Variants in WDR70 observed in about 807,000 individuals in gnomAD.
WDR70 encodes the protein WD repeat-containing protein 70.
WDR70 carries 53 observed loss-of-function variants against 88.6 expected under a neutral mutation model. That is an observed-to-expected ratio of 0.60 (90% CI 0.48 to 0.75). WDR70 has a LOEUF of 0.75. WDR70 is among the 30% of genes least tolerant of loss of function. WDR70 has a pLI of 0.00. For missense variants in WDR70, 610 were observed against 823.2 expected (o/e 0.74, Z 3.17); for synonymous variants, 280 against 270.0 (o/e 1.04, Z -0.36).
At chr5:37,515,395 G>A (rs1462262836) in intron 8 of WDR70, among the ~76,000 whole-genome samples, 1 of 152,210 alleles carries the variant, frequency 6.6e-6, no homozygotes, top group Non-Finnish European at 1.5e-5. Context: ...AGATAGAAAT[G>A]TCAAGTAGAT....
At chr5:37,481,454 C>T (rs1739667334) in intron 8 of WDR70, among the ~76,000 whole-genome samples, 1 of 152,160 alleles carries the variant, frequency 6.6e-6, no homozygotes, top group Non-Finnish European at 1.5e-5. Flanking sequence ...AGGCTTAACA[C>T]CACCTAGAAC....
intron 3 of WDR70, among the ~76,000 whole-genome samples, chr5:37,388,995 G>A (rs886750139): frequency 6.6e-5 from 10 of 151,972 alleles, no homozygotes; most frequent in Non-Finnish European, 1.3e-4. Flanking sequence ...GGGAGAAGAT[G>A]AGCCTAGAGT....
intron 13 of WDR70, among the ~76,000 whole-genome samples, chr5:37,710,399 C>T (rs1416365834): frequency 2.0e-5 from 3 of 152,088 alleles, no homozygotes; most frequent in Non-Finnish European, 4.4e-5. Context: ...CCCTGGCATT[C>T]ACTGATGTGT....
chr5:37,565,219 G>T (rs1274780928), intron 9 of WDR70, among the ~76,000 whole-genome samples: 1 of 152,052 alleles, frequency 6.6e-6, no homozygotes, highest in African/African-American at 2.4e-5. Context: ...TTGAAATACT[G>T]TAAGCTCTGT....
At position 37,653,539 on chromosome 5, in the gene WDR70, G is replaced by A. The variant is rs576142763; in HGVS notation, c.1093-44116G>A. ...GTACCAGCTCCTCTTTGTACCTCTG[G>A]TAGAATTCTGCTGTGAATCCATCTG... On this transcript the variant is annotated intron_variant, in intron 10 of 17. Coordinates refer to ENST00000265107, the MANE Select transcript of WDR70 (RefSeq NM_018034.4). Among the ~76,000 whole-genome samples, 5 of 152,252 alleles carry A rather than the reference G, an allele frequency of 3.3e-5. No individual in the cohort carries two copies. The South Asian group carries it at 1.0e-3, about 32-fold the overall frequency.
intron 3 of WDR70, among the ~76,000 whole-genome samples, chr5:37,387,623 C>T (rs1474880484): frequency 1.3e-5 from 2 of 148,276 alleles, no homozygotes; most frequent in Non-Finnish European, 3.0e-5. Flanking sequence ...TAGTATTCAT[C>T]ATTATATGGG....
chr5:37,427,448 A>G (rs943680138), intron 5 of WDR70, among the ~76,000 whole-genome samples: 1 of 152,198 alleles, frequency 6.6e-6, no homozygotes, highest in African/African-American at 2.4e-5. Context: ...ATACACATGC[A>G]CACATAGACG....
chr5:37,704,426 A>G (rs1747262363), intron 13 of WDR70, among the ~76,000 whole-genome samples: 1 of 152,208 alleles, frequency 6.6e-6, no homozygotes, highest in Admixed American at 6.5e-5. Context: ...TAGACATATG[A>G]TTGCACTTTT....
intron 17 of WDR70, among the ~76,000 whole-genome samples, chr5:37,743,900 C>A (rs1315668457): frequency 1.3e-5 from 2 of 152,206 alleles, no homozygotes; most frequent in African/African-American, 4.8e-5. Context: ...GCAAAACACA[C>A]CCTCTCCACC....
At chr5:37,615,622 G>C (rs1255313248) in intron 10 of WDR70, among the ~76,000 whole-genome samples, 1 of 152,090 alleles carries the variant, frequency 6.6e-6, no homozygotes, top group Non-Finnish European at 1.5e-5. Context: ...TCTTAACTCT[G>C]TCCTAAGCAT....
chr5:37,565,383 TTCTTC>T (rs899815542), intron 9 of WDR70, among the ~76,000 whole-genome samples: 49 of 152,194 alleles, frequency 3.2e-4, no homozygotes, highest in African/African-American at 1.0e-3. Context: ...AATCCCTTTT[TTCTTC>T]TCTTCTTTTT....
At chr5:37,487,142 A>G (rs1739898155) in intron 8 of WDR70, among the ~76,000 whole-genome samples, 1 of 152,240 alleles carries the variant, frequency 6.6e-6, no homozygotes, top group Non-Finnish European at 1.5e-5. Flanking sequence ...ATAATTACAT[A>G]CTATAACTCA....
At chr5:37,549,517 G>A (rs1742083354) in intron 9 of WDR70, among the ~76,000 whole-genome samples, 1 of 152,116 alleles carries the variant, frequency 6.6e-6, no homozygotes, top group Non-Finnish European at 1.5e-5. Context: ...TTGTTTATCA[G>A]TTCTCATAGT....
At chr5:37,598,564 A>G (rs562654500) in intron 9 of WDR70, among the ~76,000 whole-genome samples, 3 of 152,332 alleles carry the variant, frequency 2.0e-5, no homozygotes, top group Admixed American at 2.0e-4. Context: ...TAACAGATTG[A>G]GACAGTTTTC....
chr5:37,680,881 G>T (rs1490703771), intron 10 of WDR70, among the ~76,000 whole-genome samples: 1 of 152,272 alleles, frequency 6.6e-6, no homozygotes, highest in African/African-American at 2.4e-5. Context: ...GGCTATTCAT[G>T]CTCTTTTTTG....
chr5:37,460,716 T>A lies in WDR70; in HGVS notation c.686+17344T>A, dbSNP rs1474628880. On this transcript the variant is annotated intron_variant, in intron 7 of 17. Transcript: ENST00000265107. Reference sequence around the variant, plus strand: ...AAAAAAAAACATTAAAAATAAAAAATAAAAAATAAAAACAAAAAGAAAACA... The same window carrying A: ...AAAAAAAAACATTAAAAATAAAAAAAAAAAAATAAAAACAAAAAGAAAACA... 4.1e-4 allele frequency among the ~76,000 whole-genome samples: 58 copies of A among 141,524 alleles called. No homozygotes were observed. The East Asian group carries it at 0.011, about 28-fold the overall frequency. The allele number at this position is 141,524 out of a possible 152,430, so 92.8% of individuals were successfully genotyped here.
intron 6 of WDR70, among the ~76,000 whole-genome samples, chr5:37,438,321 G>T (rs534126842): frequency 5.3e-5 from 8 of 152,156 alleles, no homozygotes; most frequent in South Asian, 2.1e-4. Flanking sequence ...CTTTACTTCT[G>T]TATCAGTAAA....
At chr5:37,437,619 C>T (rs1301721268) in intron 5 of WDR70, among the ~76,000 whole-genome samples, 1 of 151,900 alleles carries the variant, frequency 6.6e-6, no homozygotes, top group African/African-American at 2.4e-5. Flanking sequence ...TTTATTTTTA[C>T]ATTTGGATTA....
chr5:37,545,122 A>G (rs1741945791), intron 9 of WDR70, among the ~76,000 whole-genome samples: 1 of 152,198 alleles, frequency 6.6e-6, no homozygotes, highest in South Asian at 2.1e-4. Context: ...ATGTAGACCT[A>G]TTTATAGCTT....
Sources: allele counts gnomAD v4.1 joint callset (sites outside exome capture counted in the v4.1 genomes callset), GRCh38; gene constraint gnomAD v4.1.1; transcripts MANE v1.5; gene names NCBI Gene and HGNC (gene_info 2026-07-23, HGNC 2026-07-21).